Variants in CCSER1 observed in about 807,000 individuals in gnomAD.
CCSER1 encodes serine-rich coiled-coil domain-containing protein 1.
Under a neutral mutation model 82.0 loss-of-function variants are expected in CCSER1, and 41 were observed. The observed-to-expected ratio is 0.50, with a 90% CI of 0.39 to 0.65. The LOEUF (loss-of-function observed/expected upper bound fraction) is 0.65. Ranked by LOEUF, CCSER1 falls within the 30% of genes least tolerant of loss-of-function variation. The pLI, the probability that CCSER1 is intolerant of heterozygous loss-of-function variation, is 0.00. For synonymous variants in CCSER1, 414 were observed against 383.9 expected, an observed-to-expected ratio of 1.08 and a Z score of -0.92; for missense variants, 1,119 against 1,064.2, an observed-to-expected ratio of 1.05 and a Z score of -0.72.
At chr4:90,841,480 A>T (rs1287264609) in intron 8 of CCSER1, among the ~76,000 whole-genome samples, 1 of 148,448 alleles carries the variant, frequency 6.7e-6, no homozygotes, top group African/African-American at 2.5e-5. Context: ...CGGGAGGCTG[A>T]GGCAGGAGAA....
intron 10 of CCSER1, among the ~76,000 whole-genome samples, chr4:91,548,764 C>A (rs192586561): frequency 2.0e-5 from 3 of 152,104 alleles, no homozygotes; most frequent in South Asian, 2.1e-4. Context: ...GTGTCTCCCC[C>A]ACACCATCCC....
At position 90,895,868 on chromosome 4, in the gene CCSER1, A is replaced by G. The variant is rs189994063; in HGVS notation, c.2095-27502A>G. Among the ~76,000 whole-genome samples, 253 of 152,068 alleles carry G rather than the reference A, an allele frequency of 1.7e-3. 1 individual carries two copies. The highest frequency in any genetic ancestry group is 6.0e-3 in the African/African-American group (249 of 41,554). On this transcript the variant is annotated intron_variant, in intron 8 of 10. Coordinates refer to ENST00000509176, the MANE Select transcript of CCSER1 (RefSeq NM_001145065.2). ...TGAATAATGCTAAAGTATTTCAAACATATGTTGAATTTATAAGGGACCAAT... is the reference window on the plus strand; with the variant it reads ...TGAATAATGCTAAAGTATTTCAAACGTATGTTGAATTTATAAGGGACCAAT...
At chr4:91,299,818 A>T (rs1744528682) in intron 10 of CCSER1, among the ~76,000 whole-genome samples, 1 of 151,300 alleles carries the variant, frequency 6.6e-6, no homozygotes. Context: ...TAGTCCTCAT[A>T]ATGTTGTTAA....
intron 3 of CCSER1, among the ~76,000 whole-genome samples, chr4:90,363,411 G>C (rs1412659855): frequency 6.6e-6 from 1 of 152,000 alleles, no homozygotes; most frequent in Non-Finnish European, 1.5e-5. Flanking sequence ...TATAATAGTT[G>C]CCACATAAAT....
chr4:91,006,920 A>G (rs1415334237), intron 9 of CCSER1, among the ~76,000 whole-genome samples: 1 of 152,178 alleles, frequency 6.6e-6, no homozygotes, highest in East Asian at 1.9e-4. Context: ...GATTTATAAT[A>G]TATGGTTTTT....
chr4:90,421,187 T>C (rs1756640311), intron 4 of CCSER1, among the ~76,000 whole-genome samples: 1 of 152,168 alleles, frequency 6.6e-6, no homozygotes, highest in Non-Finnish European at 1.5e-5. Context: ...TAGGTTGCAA[T>C]TGTGCATACT....
chr4:91,247,652 G>C (rs991787684), intron 10 of CCSER1, among the ~76,000 whole-genome samples: 6 of 152,128 alleles, frequency 3.9e-5, no homozygotes, highest in Non-Finnish European at 5.9e-5. Flanking sequence ...GTGATCACTT[G>C]AGGCCAGGAG....
chr4:90,997,221 T>C (rs1276393993), intron 9 of CCSER1, among the ~76,000 whole-genome samples: 1 of 152,136 alleles, frequency 6.6e-6, no homozygotes, highest in African/African-American at 2.4e-5. Context: ...TTCCAGCTTC[T>C]AAAATGTGTC....
At chr4:91,053,855 C>T (rs1445985304) in intron 9 of CCSER1, among the ~76,000 whole-genome samples, 2 of 152,238 alleles carry the variant, frequency 1.3e-5, no homozygotes, top group Admixed American at 6.5e-5. Flanking sequence ...TTTTTCTGTT[C>T]ATACTGTAAT....
chr4:90,805,906 A>G (rs552426084), intron 7 of CCSER1, among the ~76,000 whole-genome samples: 2 of 152,318 alleles, frequency 1.3e-5, no homozygotes, highest in Non-Finnish European at 2.9e-5. Context: ...TTCTAACTCA[A>G]TAGATCATCC....
At chr4:91,356,383 A>G (rs1233734566) in intron 10 of CCSER1, among the ~76,000 whole-genome samples, 8 of 152,250 alleles carry the variant, frequency 5.3e-5, no homozygotes, top group African/African-American at 2.4e-5. Context: ...ATTGACTGTC[A>G]TCTACCAAAA....
At chr4:90,674,277 A>C (rs770818920) in intron 6 of CCSER1, among the ~76,000 whole-genome samples, 1 of 151,948 alleles carries the variant, frequency 6.6e-6, no homozygotes, top group Non-Finnish European at 1.5e-5. Flanking sequence ...TTTAGGCCCC[A>C]GAGGAATCAT....
chr4:90,618,285 G>A (rs1721670865), intron 5 of CCSER1, among the ~76,000 whole-genome samples: 1 of 151,872 alleles, frequency 6.6e-6, no homozygotes, highest in Non-Finnish European at 1.5e-5. Context: ...TTACCTTTAT[G>A]CCAAATTACA....
At chr4:90,328,141 AT>A (rs574296293) in intron 3 of CCSER1, among the ~76,000 whole-genome samples, 111 of 152,278 alleles carry the variant, frequency 7.3e-4, no homozygotes, top group African/African-American at 2.5e-3. Context: ...AAGGCTGGGA[AT>A]TTCTATTATA....
intron 10 of CCSER1, among the ~76,000 whole-genome samples, chr4:91,363,480 CTAAACTGGCTTGTCAAGGAA>C (rs981414840): frequency 3.3e-5 from 5 of 151,256 alleles, no homozygotes; most frequent in African/African-American, 1.2e-4. Flanking sequence ...GATTCAGTAA[CTAAACTGGCTTGTCAAGGAA>C]TAACTGAAAC....
intron 6 of CCSER1, among the ~76,000 whole-genome samples, chr4:90,694,394 C>T (rs963913965): frequency 7.2e-5 from 11 of 151,808 alleles, no homozygotes; most frequent in African/African-American, 1.2e-4. Flanking sequence ...TTCAGAAAGC[C>T]GTAGAAGTCA....
chr4:91,133,862 A>G (rs1407332889), intron 10 of CCSER1, among the ~76,000 whole-genome samples: 1 of 152,150 alleles, frequency 6.6e-6, no homozygotes, highest in East Asian at 1.9e-4. Flanking sequence ...GCCCTTTGGG[A>G]GGCCGAGGCA....
In CCSER1 at chr4:91,311,191, G is replaced by C. The variant is rs72879024; in HGVS notation, c.2217+225197G>C. 3.5e-3 allele frequency among the ~76,000 whole-genome samples: 531 copies of C among 151,946 alleles called. 3 individuals carry two copies. The highest frequency in any genetic ancestry group is 0.012 in the African/African-American group (516 of 41,510). ...AAGCATGTGGCAATATGTATCCCTGGCTAAAAATTCTTTAACCATTAGCTT... is the reference window on the plus strand; with the variant it reads ...AAGCATGTGGCAATATGTATCCCTGCCTAAAAATTCTTTAACCATTAGCTT... On this transcript the variant is annotated intron_variant, in intron 10 of 10. Transcript: ENST00000509176.
rs985246730 is a variant in CCSER1, at chr4:90,672,031, C to G, written c.1932+43799C>G. On this transcript the variant is annotated intron_variant, in intron 6 of 10. Transcript: ENST00000509176. Reference sequence around the variant, plus strand: ...TTAAAGAATATTCAGTGAGCCATGTCATTAAACAGATATGTTGTTATCCAT... The same window carrying G: ...TTAAAGAATATTCAGTGAGCCATGTGATTAAACAGATATGTTGTTATCCAT... 3.8e-4 allele frequency among the ~76,000 whole-genome samples: 58 copies of G among 151,982 alleles called. 1 individual carries two copies. Among genetic ancestry groups the G allele is most frequent in the African/African-American group, 1.3e-3 (52 of 41,434 alleles).
Sources: allele counts gnomAD v4.1 joint callset (sites outside exome capture counted in the v4.1 genomes callset), GRCh38; gene constraint gnomAD v4.1.1; transcripts MANE v1.5; gene names NCBI Gene and HGNC (gene_info 2026-07-23, HGNC 2026-07-21).